Variants in PPM1A observed in about 807,000 individuals in gnomAD.
The protein encoded by PPM1A is protein phosphatase 1A.
A neutral mutation model predicts 35.0 loss-of-function variants in PPM1A; 7 were observed. That is an observed-to-expected ratio of 0.20 (90% confidence interval 0.11 to 0.38). The LOEUF (loss-of-function observed/expected upper bound fraction) is 0.38. PPM1A is among the 10% of genes least tolerant of loss of function. The pLI is 1.00. For synonymous variants in PPM1A, 153 were observed against 167.3 expected, an observed-to-expected ratio of 0.91 and a Z score of 0.66; for missense variants, 239 against 467.8, an observed-to-expected ratio of 0.51 and a Z score of 4.51.
intron 1 of PPM1A, among the ~76,000 whole-genome samples, chr14:60,279,738 C>G (rs1382399031): frequency 6.6e-6 from 1 of 152,086 alleles, no homozygotes; most frequent in Non-Finnish European, 1.5e-5. Flanking sequence ...TTAAATGTGC[C>G]TTCCCCTATT....
intron 3 of PPM1A, among the ~76,000 whole-genome samples, chr14:60,288,934 T>G (rs1887321869): frequency 6.6e-6 from 1 of 152,136 alleles, no homozygotes; most frequent in Admixed American, 6.5e-5. Flanking sequence ...TGAAGACTTT[T>G]TATACTTAGA....
chr14:60,281,866 A>G (rs1886441871), intron 1 of PPM1A, among the ~76,000 whole-genome samples: 1 of 152,198 alleles, frequency 6.6e-6, no homozygotes, highest in South Asian at 2.1e-4. Context: ...GTATAATAAT[A>G]ATGGTACATG....
upstream of PPM1A, chr14:60,249,131 T>C (rs988053029): frequency 1.4e-6 from 1 of 715,482 alleles, no homozygotes; most frequent in Non-Finnish European, 1.7e-6. The surrounding 1 kb of genome is among the most constrained non-coding windows in gnomAD (Gnocchi z 4.5). Context: ...GCGCCGCAGC[T>C]GTAGCGGCGG....
rs770057012 is a variant in PPM1A, at chr14:60,289,765, A to T, written c.953-41A>T. 7.5e-7 allele frequency: 1 copy of T among 1,339,820 alleles called. No individual in the cohort carries two copies. The highest frequency in any genetic ancestry group is 1.2e-5 in the South Asian group (1 of 81,630). 83.0% of individuals were successfully genotyped at this position (1,339,820 alleles called of 1,614,324 possible). On this transcript the variant is annotated intron_variant, in intron 3 of 5. Coordinates refer to ENST00000395076, the MANE Select transcript of PPM1A (RefSeq NM_021003.5). The surrounding 1 kb of genome is among the most constrained non-coding windows in gnomAD (Gnocchi z 4.1). ...TTGTTTCGGTTTTCTTTTCAATTAA[A>T]TTTGGATAACACTTACAAAAAAAGT...
At chr14:60,287,948 G>A in intron 3 of PPM1A, 1 of 985,034 alleles carries the variant, frequency 1.0e-6, no homozygotes, top group Non-Finnish European at 1.2e-6. Context: ...GTATATGTAT[G>A]TGAAACATGG....
chr14:60,284,646 A>G (rs540145847), intron 2 of PPM1A, among the ~76,000 whole-genome samples: 220 of 150,118 alleles, frequency 1.5e-3, no homozygotes, highest in Admixed American at 2.7e-3. Flanking sequence ...CGTCTCAAAA[A>G]AAAAAAAAAA....
At chr14:60,251,837 C>T (rs1043667511) in intron 1 of PPM1A, among the ~76,000 whole-genome samples, 2 of 150,668 alleles carry the variant, frequency 1.3e-5, no homozygotes, top group Non-Finnish European at 3.0e-5. Context: ...TAGGGAAACT[C>T]TTGAGAGGAA....
intron 1 of PPM1A, among the ~76,000 whole-genome samples, chr14:60,278,379 G>A (rs1006533398): frequency 7.6e-6 from 1 of 130,886 alleles, no homozygotes; most frequent in Non-Finnish European, 1.6e-5. Flanking sequence ...GGTAACTTTT[G>A]AAGGAATTCA....
chr14:60,296,664 T>C lies in PPM1A; in HGVS notation c.*4182T>C. 2.9e-6 allele frequency: 1 copy of C among 347,878 alleles called. No homozygotes were observed. The highest frequency in any genetic ancestry group is 3.8e-5 in the East Asian group (1 of 26,148). 21.5% of individuals were successfully genotyped at this position (347,878 alleles called of 1,614,324 possible). On this transcript the variant is annotated 3_prime_UTR_variant, in exon 6 of 6. Transcript: ENST00000395076. The surrounding 1 kb of genome is among the most constrained non-coding windows in gnomAD (Gnocchi z 4.4). ...GCCATGTGTTTTGGTTTGTATATGT[T>C]TTAAATTGTATATTTCCTTGGAATA...
chr14:60,294,223 A>C lies in PPM1A; in HGVS notation c.*1741A>C, dbSNP rs1887885469. On this transcript the variant is annotated 3_prime_UTR_variant, in exon 6 of 6. Coordinates refer to ENST00000395076, the MANE Select transcript of PPM1A (RefSeq NM_021003.5). ...GAAATGTCTCAGATTTAAGTAGTTA[A>C]ATACCAGCAAAATCTTTTCATTATC... 1 of 151,924 alleles carries C rather than the reference A, an allele frequency of 6.6e-6. No homozygotes were observed. Among genetic ancestry groups the C allele is most frequent in the African/African-American group, 2.4e-5 (1 of 41,430 alleles). 9.4% of individuals were successfully genotyped at this position (151,924 alleles called of 1,614,324 possible). A position where few individuals can be genotyped will look rare whatever the true frequency, so the allele number is the denominator to read the frequency against.
chr14:60,284,638 T>C (rs1260708941), intron 2 of PPM1A, among the ~76,000 whole-genome samples: 1 of 139,970 alleles, frequency 7.1e-6, no homozygotes, highest in Non-Finnish European at 1.5e-5. Flanking sequence ...CGAGACTCCG[T>C]CTCAAAAAAA....
Position 60,292,304 on chromosome 14 carries a change from C to T in PPM1A, c.1120-149C>T. 4.1e-6 allele frequency: 2 copies of T among 483,398 alleles called. No individual in the cohort carries two copies. The highest frequency in any genetic ancestry group is 4.4e-5 in the South Asian group (1 of 22,550). 29.9% of individuals were successfully genotyped at this position (483,398 alleles called of 1,614,324 possible). On this transcript the variant is annotated intron_variant, in intron 5 of 5. Coordinates refer to ENST00000395076, the MANE Select transcript of PPM1A (RefSeq NM_021003.5). The surrounding 1 kb of genome is among the most constrained non-coding windows in gnomAD (Gnocchi z 4.2). ...ATTAAACATTGCTATTTCATATGTA[C>T]ACATATATACTTATATACTTTAAAA... is the stretch of plus-strand genomic sequence containing the variant.
At chr14:60,277,168 T>TA (rs1279914008) in intron 1 of PPM1A, 1 of 420,830 alleles carries the variant, frequency 2.4e-6, no homozygotes, top group Non-Finnish European at 3.5e-6. Flanking sequence ...ATTTACTATT[T>TA]ATGGATATAC....
chr14:60,264,028 T>G (rs1398998903), intron 1 of PPM1A, among the ~76,000 whole-genome samples: 1 of 152,116 alleles, frequency 6.6e-6, no homozygotes, highest in African/African-American at 2.4e-5. Context: ...AGCCAGTATT[T>G]TTACCAGTTT....
At chr14:60,277,240 G>C (rs758869885) in intron 1 of PPM1A, 15 of 168,304 alleles carry the variant, frequency 8.9e-5, no homozygotes, top group Middle Eastern at 2.5e-3. Flanking sequence ...GAAGATGACT[G>C]TGTAAACATA....
chr14:60,263,151 GAGGTTGC>G (rs1330199759), intron 1 of PPM1A, among the ~76,000 whole-genome samples: 1 of 152,148 alleles, frequency 6.6e-6, no homozygotes, highest in Non-Finnish European at 1.5e-5. Flanking sequence ...CTGGGAGGTG[GAGGTTGC>G]AGTAAGCCAA....
chr14:60,248,325 T>C (rs956207751), upstream of PPM1A, among the ~76,000 whole-genome samples: 1 of 152,266 alleles, frequency 6.6e-6, no homozygotes, highest in African/African-American at 2.4e-5. Flanking sequence ...TCCCTTAACC[T>C]ACCTCATTGG....
intron 1 of PPM1A, among the ~76,000 whole-genome samples, chr14:60,260,165 C>A (rs1432037913): frequency 6.6e-6 from 1 of 151,980 alleles, no homozygotes; most frequent in Non-Finnish European, 1.5e-5. Context: ...ACCCGACTTA[C>A]TTTAGTTGGT....
intron 2 of PPM1A, among the ~76,000 whole-genome samples, chr14:60,284,165 T>C (rs1405797587): frequency 1.3e-5 from 2 of 152,206 alleles, no homozygotes; most frequent in Admixed American, 1.3e-4. Context: ...TGGGATAATA[T>C]ACACAGGTGA....
Sources: gnomAD v4.1 joint callset for allele counts (sites outside exome capture counted in the v4.1 genomes callset) on GRCh38, gnomAD v4.1.1 for gene constraint, Gnocchi (gnomAD v3.1) non-coding constraint, MANE v1.5 for transcripts, NCBI Gene and HGNC (gene_info 2026-07-23, HGNC 2026-07-21) for gene names.